Variants in PM20D2 observed in about 807,000 individuals in gnomAD.
PM20D2 encodes peptidase M20 domain containing 2, also known as xaa-Arg dipeptidase.
A neutral mutation model predicts 42.9 loss-of-function variants in PM20D2; 33 were observed. That is an observed-to-expected ratio of 0.77 (90% CI 0.58 to 1.03). The LOEUF is 1.03. Among genes scored for constraint, PM20D2 ranks in the 50% least tolerant of loss-of-function variants. The pLI is 0.00. For synonymous variants in PM20D2, 250 were observed against 228.2 expected, an observed-to-expected ratio of 1.10 and a Z score of -0.86; for missense variants, 548 against 557.0, an observed-to-expected ratio of 0.98 and a Z score of 0.16.
At chr6:89,117,920 G>A in the PM20D2 span, 2 of 1,546,534 alleles carry the variant, frequency 1.3e-6, no homozygotes, top group African/African-American at 2.9e-5. Flanking sequence ...GGGTCTGCCC[G>A]CGGCCGCTGG....
the PM20D2 span, among the ~76,000 whole-genome samples, chr6:89,132,216 G>C: frequency 2.6e-5 from 4 of 152,214 alleles, no homozygotes; most frequent in Non-Finnish European, 4.4e-5. Context: ...CACTGGCCTA[G>C]CAGTCATCAC....
the PM20D2 span, among the ~76,000 whole-genome samples, chr6:89,119,498 G>C: frequency 6.6e-6 from 1 of 152,210 alleles, no homozygotes; most frequent in African/African-American, 2.4e-5. Context: ...GTTGGAAAAT[G>C]AGGCTGGAGA....
the PM20D2 span, among the ~76,000 whole-genome samples, chr6:89,095,801 G>A: frequency 2.0e-5 from 3 of 152,142 alleles, no homozygotes; most frequent in Non-Finnish European, 2.9e-5. Flanking sequence ...TTATTCCTGG[G>A]GAGAAAGCAA....
the PM20D2 span, among the ~76,000 whole-genome samples, chr6:89,101,389 C>G: frequency 6.6e-6 from 1 of 152,150 alleles, no homozygotes; most frequent in African/African-American, 2.4e-5. Flanking sequence ...ACACTGGGCA[C>G]ATCACAGTGA....
At chr6:89,121,366 C>T in the PM20D2 span, among the ~76,000 whole-genome samples, 17 of 152,132 alleles carry the variant, frequency 1.1e-4, no homozygotes, top group South Asian at 2.3e-3. Flanking sequence ...TCGTCGGGCA[C>T]GGCCAACTAA....
At chr6:89,132,954 G>A in the PM20D2 span, among the ~76,000 whole-genome samples, 43 of 150,648 alleles carry the variant, frequency 2.9e-4, no homozygotes, top group South Asian at 4.8e-3. Context: ...CAGATGCGGC[G>A]GCTCATACCT....
chr6:89,104,662 A>G, the PM20D2 span, among the ~76,000 whole-genome samples: 5 of 152,360 alleles, frequency 3.3e-5, no homozygotes, highest in East Asian at 9.6e-4. Flanking sequence ...AAATAACAAT[A>G]TATGATAAAT....
At chr6:89,124,587 TAAA>T in the PM20D2 span, among the ~76,000 whole-genome samples, 1 of 152,046 alleles carries the variant, frequency 6.6e-6, no homozygotes, top group South Asian at 2.1e-4. Flanking sequence ...CACCCAGGAA[TAAA>T]AAAAGCAAAG....
chr6:89,159,841 CAAGA>C (rs755095565), intron 5 of PM20D2, among the ~76,000 whole-genome samples: 4 of 152,206 alleles, frequency 2.6e-5, no homozygotes, highest in Non-Finnish European at 4.4e-5. Flanking sequence ...TTCTGGACAG[CAAGA>C]AAGCTCAGCT....
At chr6:89,143,014 C>G (rs1186167553), upstream of PM20D2, among the ~76,000 whole-genome samples, 3 of 152,144 alleles carry the variant, frequency 2.0e-5, no homozygotes, top group East Asian at 5.8e-4. Flanking sequence ...CACTGAAGCT[C>G]TCTGGTACTT....
At chr6:89,112,774 C>T in the PM20D2 span, among the ~76,000 whole-genome samples, 1 of 152,158 alleles carries the variant, frequency 6.6e-6, no homozygotes, top group African/African-American at 2.4e-5. Flanking sequence ...TTATGCACCA[C>T]ATAACAATGT....
At chr6:89,147,979 C>CTT (rs397888770) in intron 1 of PM20D2, among the ~76,000 whole-genome samples, 42 of 95,168 alleles carry the variant, frequency 4.4e-4, no homozygotes, top group Non-Finnish European at 6.8e-4. Flanking sequence ...AATGTACACT[C>CTT]TTTTTTTTTT....
the PM20D2 span, among the ~76,000 whole-genome samples, chr6:89,132,060 T>C: frequency 3.3e-5 from 5 of 152,170 alleles, no homozygotes; most frequent in African/African-American, 1.2e-4. Context: ...TCAAAAGTAC[T>C]GAGCCTATTG....
intron 2 of PM20D2, 94 bp from the exon 3 acceptor site, chr6:89,152,949 A>G: frequency 1.0e-6 from 1 of 990,630 alleles, no homozygotes; most frequent in Non-Finnish European, 1.4e-6. Flanking sequence ...ATGTGAATTA[A>G]TTTTGAATAG....
At chr6:89,128,091 A>G in the PM20D2 span, among the ~76,000 whole-genome samples, 3 of 152,220 alleles carry the variant, frequency 2.0e-5, no homozygotes, top group East Asian at 3.8e-4. Flanking sequence ...GAACAAGAGA[A>G]GATAACCATA....
At chr6:89,116,818 A>G in the PM20D2 span, among the ~76,000 whole-genome samples, 1 of 151,822 alleles carries the variant, frequency 6.6e-6, no homozygotes, top group African/African-American at 2.4e-5. Context: ...CTTAACGTTT[A>G]TTTACTCCTC....
chr6:89,103,925 T>C, the PM20D2 span, among the ~76,000 whole-genome samples: 1 of 152,260 alleles, frequency 6.6e-6, no homozygotes, highest in South Asian at 2.1e-4. Flanking sequence ...TAACTTATCT[T>C]TTATAAGTAA....
intron 2 of PM20D2, among the ~76,000 whole-genome samples, chr6:89,152,722 T>C (rs1770894385): frequency 6.8e-6 from 1 of 146,220 alleles, no homozygotes; most frequent in African/African-American, 2.5e-5. Flanking sequence ...TGTAAAAACA[T>C]ACAGGATCCA....
chr6:89,132,558 A>G, the PM20D2 span, among the ~76,000 whole-genome samples: 1 of 151,312 alleles, frequency 6.6e-6, no homozygotes, highest in Non-Finnish European at 1.5e-5. Flanking sequence ...CAAGAAACTA[A>G]AGACTGGATG....
Sources: gnomAD v4.1 joint callset for allele counts (sites outside exome capture counted in the v4.1 genomes callset) on GRCh38, gnomAD v4.1.1 for gene constraint, MANE v1.5 for transcripts, NCBI Gene and HGNC (gene_info 2026-07-23, HGNC 2026-07-21) for gene names.